The following CASR variants were observed in gnomAD, a reference collection of about 807,000 sequenced individuals.
CASR encodes the protein calcium sensing receptor, also known as extracellular calcium-sensing receptor.
CASR carries 23 observed loss-of-function variants against 69.1 expected under a neutral mutation model. The ratio of observed to expected loss-of-function variants is 0.33; its 90% CI spans 0.24 to 0.47. CASR has a LOEUF of 0.47. Among genes scored for constraint, CASR ranks in the 20% least tolerant of loss-of-function variants. The pLI is 1.00. For missense variants in CASR, 924 were observed against 1,356.1 expected (o/e 0.68, Z 5.00); for synonymous variants, 541 against 544.7 (o/e 0.99, Z 0.10).
chr3:122,261,348 G>T (rs2074619168), intron 3 of CASR, among the ~76,000 whole-genome samples, 180 bp from the exon 4 acceptor site: 1 of 152,194 alleles, frequency 6.6e-6, no homozygotes, highest in Admixed American at 6.5e-5. Context: ...TGCTCACTCT[G>T]GAGTGGAACA....
chr3:122,187,321 C>T (rs1237828148), intron 1 of CASR, among the ~76,000 whole-genome samples: 1 of 151,950 alleles, frequency 6.6e-6, no homozygotes. Flanking sequence ...TCATATATAG[C>T]TCTTTAGTAA....
In CASR at chr3:122,290,945, G is replaced by A. The variant is rs2075007821; in HGVS notation, c.*5754G>A. Reference sequence around the variant, plus strand: ...CTTCCTGTGTCCATGTGATCTCATTGTTCGATTCCCACCTATGAGTGAGAA... The same window carrying A: ...CTTCCTGTGTCCATGTGATCTCATTATTCGATTCCCACCTATGAGTGAGAA... On this transcript the variant is annotated 3_prime_UTR_variant, in exon 7 of 7. Coordinates refer to ENST00000639785, the MANE Select transcript of CASR (RefSeq NM_000388.4). 1 of 144,416 alleles carries A rather than the reference G, an allele frequency of 6.9e-6. No individual in the cohort carries two copies. The highest frequency in any genetic ancestry group is 2.6e-5 in the African/African-American group (1 of 38,256). 8.9% of individuals were successfully genotyped at this position (144,416 alleles called of 1,614,324 possible).
chr3:122,203,880 T>C (rs935629989), intron 1 of CASR, among the ~76,000 whole-genome samples: 1 of 152,238 alleles, frequency 6.6e-6, no homozygotes, highest in Non-Finnish European at 1.5e-5. Flanking sequence ...ATATTTAGAT[T>C]TTCTTTAATG....
chr3:122,221,784 G>A (rs2074174540), intron 1 of CASR, among the ~76,000 whole-genome samples: 1 of 152,184 alleles, frequency 6.6e-6, no homozygotes, highest in South Asian at 2.1e-4. Flanking sequence ...TCACCTCTCT[G>A]AGTCTCACAA....
intron 1 of CASR, among the ~76,000 whole-genome samples, chr3:122,187,805 G>T (rs1296790008): frequency 6.6e-6 from 1 of 152,190 alleles, no homozygotes; most frequent in African/African-American, 2.4e-5. Context: ...ACCTGCAAGT[G>T]GTTCAAGGAG....
chr3:122,187,660 G>C (rs1041810931), intron 1 of CASR, among the ~76,000 whole-genome samples: 1 of 152,208 alleles, frequency 6.6e-6, no homozygotes, highest in Non-Finnish European at 1.5e-5. Context: ...TAACGCTTGA[G>C]TTGAATCTTG....
intron 4 of CASR, among the ~76,000 whole-genome samples, chr3:122,264,173 C>T (rs1344028555): frequency 6.7e-6 from 1 of 149,892 alleles, no homozygotes; most frequent in Non-Finnish European, 1.5e-5. Flanking sequence ...TAATAGAAAG[C>T]CCTAACCAAA....
At chr3:122,263,074 ACAT>A (rs1490727337) in intron 4 of CASR, among the ~76,000 whole-genome samples, 2 of 152,216 alleles carry the variant, frequency 1.3e-5, no homozygotes, top group Non-Finnish European at 1.5e-5. Flanking sequence ...CACAGGAGAG[ACAT>A]CATAATCTTT....
At chr3:122,263,314 T>C (rs1326459604) in intron 4 of CASR, among the ~76,000 whole-genome samples, 1 of 152,224 alleles carries the variant, frequency 6.6e-6, no homozygotes, top group Non-Finnish European at 1.5e-5. Flanking sequence ...AGGCAAACCA[T>C]GGCTGTAAGT....
chr3:122,276,174 T>C, intron 5 of CASR, 132 bp downstream of exon 5: 1 of 708,492 alleles, frequency 1.4e-6, no homozygotes, highest in Non-Finnish European at 2.6e-6. Context: ...TCTCTGGCCT[T>C]TGCAATCTTG....
chr3:122,216,555 G>C (rs181839941), intron 1 of CASR, among the ~76,000 whole-genome samples: 5 of 152,266 alleles, frequency 3.3e-5, no homozygotes, highest in East Asian at 1.9e-4. Flanking sequence ...AGGTTTCTCA[G>C]AGTTCTTATG....
At chr3:122,198,581 ATT>A (rs1261967940) in intron 1 of CASR, among the ~76,000 whole-genome samples, 3 of 151,782 alleles carry the variant, frequency 2.0e-5, no homozygotes, top group African/African-American at 4.8e-5. Context: ...GGGATTTTTT[ATT>A]TTTTGTTTCT....
chr3:122,250,801 G>A (rs1408781157), intron 1 of CASR, among the ~76,000 whole-genome samples: 3 of 152,136 alleles, frequency 2.0e-5, no homozygotes, highest in South Asian at 2.1e-4. Flanking sequence ...CGAAGTAAGT[G>A]CTGCAGGACA....
At chr3:122,273,991 G>A (rs1469345213) in intron 4 of CASR, among the ~76,000 whole-genome samples, 5 of 152,172 alleles carry the variant, frequency 3.3e-5, no homozygotes, top group Non-Finnish European at 7.4e-5. Context: ...CTGCACTGAC[G>A]GCCTTAAGGC....
chr3:122,262,550 A>ACAGGTTTAGCAACAGCTCGACAG, intron 4 of CASR, 138 bp downstream of exon 4: 1 of 749,432 alleles, frequency 1.3e-6, no homozygotes. Context: ...GATTCAAAGT[A>ACAGGTTTAGCAACAGCTCGACAG]CCTTTTTTAA....
intron 1 of CASR, among the ~76,000 whole-genome samples, chr3:122,193,428 G>A (rs2073858133): frequency 1.3e-5 from 2 of 152,014 alleles, no homozygotes; most frequent in African/African-American, 4.8e-5. Flanking sequence ...TGTTGGCCAG[G>A]CTGGTCTCAA....
At position 122,283,773 on chromosome 3, in the gene CASR, T is replaced by TGAA; in HGVS notation, c.1819_1820insGAA (p.Ser607delinsTer). The TGAA allele has an allele frequency of 6.2e-7, 1 of 1,614,184 alleles. No homozygotes were observed. Among genetic ancestry groups the TGAA allele is most frequent in the Non-Finnish European group, 8.5e-7 (1 of 1,180,020 alleles). On this transcript the variant is annotated stop_gained, in exon 7 of 7. Coordinates refer to ENST00000639785, the MANE Select transcript of CASR (RefSeq NM_000388.4). LOFTEE classifies it high-confidence loss of function. ...CATTGCCAAGGAGATCGAGTTTCTG[T>TGAA]CGTGGACGGAGCCCTTTGGGATCGC...
In CASR at chr3:122,184,991, C is replaced by T. The variant is rs113816976; in HGVS notation, c.-243+1179C>T. Among the ~76,000 whole-genome samples the T allele has an allele frequency of 7.1e-3, 1,085 of 152,236 alleles. 9 individuals are homozygous for T. Among genetic ancestry groups the T allele is most frequent in the African/African-American group, 0.021 (858 of 41,524 alleles). On this transcript the variant is annotated intron_variant, in intron 1 of 6. Coordinates refer to ENST00000639785, the MANE Select transcript of CASR (RefSeq NM_000388.4). ...CCCACAGGATTCCTGGTCCAAGCTA[C>T]CAGCTGTCTTGGGAACTTTGCTTCA... is the stretch of plus-strand genomic sequence containing the variant.
At chr3:122,253,523 G>A (rs34721736) in intron 1 of CASR, among the ~76,000 whole-genome samples, 24,245 of 152,196 alleles carry the variant, frequency 0.16, 2,017 homozygotes, top group African/African-American at 0.17. Context: ...GATTACAGGC[G>A]TGAGCCATTG....
Sources: allele counts gnomAD v4.1 joint callset (sites outside exome capture counted in the v4.1 genomes callset), GRCh38; gene constraint gnomAD v4.1.1; transcripts MANE v1.5; gene names NCBI Gene and HGNC (gene_info 2026-07-23, HGNC 2026-07-21).